The following CTNNA3 variants were observed in gnomAD, a reference collection of about 807,000 sequenced individuals.
CTNNA3 encodes the protein catenin alpha-3.
CTNNA3 carries 76 observed loss-of-function variants against 95.7 expected under a neutral mutation model. That is an observed-to-expected ratio of 0.79 (90% CI 0.66 to 0.96). The LOEUF (loss-of-function observed/expected upper bound fraction) is 0.96. CTNNA3 is among the 40% of genes least tolerant of loss of function. The probability of loss-of-function intolerance (pLI) is 0.00; values close to 1 mark genes in which losing one functional copy is unlikely to be tolerated. For synonymous variants in CTNNA3, 431 were observed against 374.4 expected, an observed-to-expected ratio of 1.15 and a Z score of -1.74; for missense variants, 1,191 against 1,089.8, an observed-to-expected ratio of 1.09 and a Z score of -1.31.
intron 7 of CTNNA3, among the ~76,000 whole-genome samples, chr10:66,879,943 G>A (rs1438524349): frequency 6.6e-6 from 1 of 152,092 alleles, no homozygotes; most frequent in Non-Finnish European, 1.5e-5. Context: ...GAAATGTAGA[G>A]AGTATACATA....
chr10:66,571,781 C>G (rs750137306), intron 10 of CTNNA3, among the ~76,000 whole-genome samples: 3 of 151,992 alleles, frequency 2.0e-5, no homozygotes, highest in Non-Finnish European at 4.4e-5. Flanking sequence ...TGTAATGACC[C>G]ATAACAACCT....
At chr10:66,114,182 A>G (rs1284455316) in intron 13 of CTNNA3, among the ~76,000 whole-genome samples, 1 of 152,156 alleles carries the variant, frequency 6.6e-6, no homozygotes, top group East Asian at 1.9e-4. Context: ...TAAACTCTAC[A>G]TATGTGATTT....
chr10:66,846,366 AAT>A (rs1843275863), intron 7 of CTNNA3, among the ~76,000 whole-genome samples: 1 of 152,092 alleles, frequency 6.6e-6, no homozygotes, highest in African/African-American at 2.4e-5. Context: ...AAGCAAGATA[AAT>A]AAGTTTTGGA....
At chr10:67,509,546 A>G (rs1173219346) in intron 5 of CTNNA3, among the ~76,000 whole-genome samples, 3 of 152,194 alleles carry the variant, frequency 2.0e-5, no homozygotes, top group Admixed American at 1.3e-4. Flanking sequence ...GCTGTATAGT[A>G]TTCCATGGTG....
chr10:67,020,508 T>C (rs1852939015), intron 7 of CTNNA3, among the ~76,000 whole-genome samples: 1 of 152,198 alleles, frequency 6.6e-6, no homozygotes, highest in Admixed American at 6.5e-5. Context: ...ATCCCCTCTA[T>C]AAGTTTCACA....
At chr10:67,450,632 G>A (rs1846944133) in intron 5 of CTNNA3, among the ~76,000 whole-genome samples, 2 of 152,056 alleles carry the variant, frequency 1.3e-5, no homozygotes, top group Non-Finnish European at 2.9e-5. Flanking sequence ...GCCTATTTGA[G>A]GGTAGAGAGT....
intron 10 of CTNNA3, among the ~76,000 whole-genome samples, chr10:66,608,744 G>A (rs192070766): frequency 4.9e-4 from 75 of 152,172 alleles, no homozygotes; most frequent in African/African-American, 1.7e-3. Context: ...ATACGCAGAA[G>A]GTTGAAACTG....
intron 5 of CTNNA3, among the ~76,000 whole-genome samples, chr10:67,371,227 TAC>T (rs1201036194): frequency 4.0e-5 from 6 of 151,018 alleles, no homozygotes; most frequent in African/African-American, 1.5e-4. Context: ...TTTTTATATA[TAC>T]ATATTTTTTT....
intron 13 of CTNNA3, among the ~76,000 whole-genome samples, chr10:66,118,813 A>ACTTGGTTTAATTGAACCAAGCATCAG (rs1363687496): frequency 7.9e-5 from 12 of 152,310 alleles, no homozygotes; most frequent in African/African-American, 2.9e-4. Context: ...TATTCTATCT[A>ACTTGGTTTAATTGAACCAAGCATCAG]CTTGGTTTAA....
intron 9 of CTNNA3, among the ~76,000 whole-genome samples, chr10:66,670,804 G>A (rs963992108): frequency 6.6e-6 from 1 of 152,190 alleles, no homozygotes; most frequent in Non-Finnish European, 1.5e-5. Flanking sequence ...GTCTACCACA[G>A]GGTGTGCCCA....
At chr10:66,975,985 C>A (rs1242445340) in intron 7 of CTNNA3, among the ~76,000 whole-genome samples, 1 of 152,088 alleles carries the variant, frequency 6.6e-6, no homozygotes, top group Non-Finnish European at 1.5e-5. Flanking sequence ...CAGTTAAAAA[C>A]CAGAGTTGAT....
At chr10:66,165,405 T>C (rs1365790112) in intron 13 of CTNNA3, among the ~76,000 whole-genome samples, 6 of 152,116 alleles carry the variant, frequency 3.9e-5, no homozygotes, top group Admixed American at 1.3e-4. Context: ...TCAATTTTAC[T>C]CTAAGTAAAA....
intron 5 of CTNNA3, among the ~76,000 whole-genome samples, chr10:67,501,334 T>G (rs1005939640): frequency 6.6e-6 from 1 of 152,268 alleles, no homozygotes. Context: ...AGAGATCCAC[T>G]GTTAGTCTGA....
chr10:65,925,946 A>G (rs1373986658), intron 17 of CTNNA3, among the ~76,000 whole-genome samples: 1 of 151,546 alleles, frequency 6.6e-6, no homozygotes, highest in Non-Finnish European at 1.5e-5. Flanking sequence ...ATGTATACAC[A>G]TAATATATAA....
At chr10:67,188,316 T>A (rs77478325) in intron 6 of CTNNA3, among the ~76,000 whole-genome samples, 15,074 of 152,048 alleles carry the variant, frequency 0.099, 1,264 homozygotes, top group African/African-American at 0.23. Flanking sequence ...GGCAACATAG[T>A]GAAACCCGTT....
intron 5 of CTNNA3, among the ~76,000 whole-genome samples, chr10:67,336,098 A>C (rs1195403904): frequency 6.6e-6 from 1 of 152,178 alleles, no homozygotes; most frequent in East Asian, 1.9e-4. Flanking sequence ...AGCACCCATA[A>C]AAGAAAGTGA....
rs774025628 is a variant in CTNNA3 at position 65,914,149 on chromosome 10, T to C, written c.*6181A>G. The stretch of plus-strand genomic sequence containing the variant: ...GCTAATATTAAGTAGCTTTTGTACA[T>C]GTTCTAAATTGAAGAAACATTTAGA... On this transcript the variant is annotated 3_prime_UTR_variant, in exon 18 of 18. Coordinates refer to ENST00000433211, the MANE Select transcript of CTNNA3 (RefSeq NM_013266.4). The C allele has an allele frequency of 7.2e-5, 11 of 152,194 alleles. No homozygotes were observed. Among genetic ancestry groups the C allele is most frequent in the Non-Finnish European group, 1.2e-4 (8 of 68,032 alleles). The allele number at this position is 152,194 out of a possible 1,614,324, so 9.4% of individuals were successfully genotyped here.
chr10:66,589,949 GA>G (rs1001365160), intron 10 of CTNNA3, among the ~76,000 whole-genome samples: 2 of 151,544 alleles, frequency 1.3e-5, no homozygotes, highest in African/African-American at 2.4e-5. Context: ...CTATAAAGTA[GA>G]AAAAAATAAA....
chr10:67,582,846 T>G (rs1017181363), intron 3 of CTNNA3, among the ~76,000 whole-genome samples: 91 of 152,256 alleles, frequency 6.0e-4, no homozygotes, highest in Non-Finnish European at 1.1e-3. Flanking sequence ...TCTTTTTTCA[T>G]TTAAAGTCTG....
Sources: allele counts gnomAD v4.1 joint callset (sites outside exome capture counted in the v4.1 genomes callset), GRCh38; gene constraint gnomAD v4.1.1; transcripts MANE v1.5; gene names NCBI Gene and HGNC (gene_info 2026-07-23, HGNC 2026-07-21).